The following NBEA variants were observed in gnomAD, a reference collection of about 807,000 sequenced individuals.
NBEA encodes neurobeachin.
NBEA carries 44 observed loss-of-function variants against 343.4 expected under a neutral mutation model. The ratio of observed to expected loss-of-function variants is 0.13; its 90% CI spans 0.10 to 0.16. The LOEUF (loss-of-function observed/expected upper bound fraction) is 0.16, where lower values mean the gene tolerates loss of function less well. Among genes scored for constraint, NBEA ranks in the 10% least tolerant of loss-of-function variants. NBEA has a pLI of 1.00. For missense variants in NBEA, 2,555 were observed against 3,631.3 expected (o/e 0.70, Z 7.62); for synonymous variants, 1,175 against 1,238.7 (o/e 0.95, Z 1.08).
At chr13:35,325,372 A>G (rs2152843660) in intron 36 of NBEA, among the ~76,000 whole-genome samples, 1 of 152,168 alleles carries the variant, frequency 6.6e-6, no homozygotes, top group Admixed American at 6.6e-5. Context: ...ATGTTTTGAT[A>G]CAGGGATACA....
intron 34 of NBEA, among the ~76,000 whole-genome samples, chr13:35,285,496 C>A (rs2035361666): frequency 6.6e-6 from 1 of 152,062 alleles, no homozygotes; most frequent in African/African-American, 2.4e-5. Context: ...TGAAACTGAT[C>A]ACTTTTCCTT....
chr13:35,490,895 C>T lies in NBEA; in HGVS notation c.6585+18359C>T, dbSNP rs553191709. ...TAAGATTTTCATCTATGCCATCTGG[C>T]CCCAGGCTCCAGAGTGTGCTTTCTT... On this transcript the variant is annotated intron_variant, in intron 41 of 58. Transcript: ENST00000379939. 2.0e-5 allele frequency among the ~76,000 whole-genome samples: 3 copies of T among 152,008 alleles called. No homozygotes were observed. The East Asian group carries it at 5.8e-4, about 30-fold the overall frequency.
chr13:34,975,567 A>C (rs181577754), intron 1 of NBEA, among the ~76,000 whole-genome samples: 1 of 152,288 alleles, frequency 6.6e-6, no homozygotes, highest in East Asian at 1.9e-4. Flanking sequence ...CGTAACAAAA[A>C]CCAAGACAAA....
In NBEA at chr13:34,989,777, A is replaced by C. The variant is rs189322283; in HGVS notation, c.294+46663A>C. Among the ~76,000 whole-genome samples the C allele has an allele frequency of 3.9e-3, 590 of 150,898 alleles. 28 individuals carry two copies. The highest frequency in any genetic ancestry group is 2.7e-3 in the Non-Finnish European group (181 of 67,388). ...CATTAACTCAAAAGTCGAAGTCCAA[A>C]GTTTCATCTGGGACAAGGCACGTCT... On this transcript the variant is annotated intron_variant, in intron 1 of 58. Transcript: ENST00000379939.
intron 1 of NBEA, among the ~76,000 whole-genome samples, chr13:35,024,701 C>T (rs2061959272): frequency 6.6e-6 from 1 of 152,070 alleles, no homozygotes; most frequent in African/African-American, 2.4e-5. Flanking sequence ...AATAAAATAA[C>T]ATAAAATAAA....
chr13:35,152,160 A>T (rs1217406266), intron 18 of NBEA, among the ~76,000 whole-genome samples: 2 of 152,232 alleles, frequency 1.3e-5, no homozygotes, highest in African/African-American at 4.8e-5. Context: ...TTTGTTCCTT[A>T]TAGTAATAAC....
intron 38 of NBEA, among the ~76,000 whole-genome samples, chr13:35,360,988 G>GAGAC (rs1488583513): frequency 3.3e-5 from 5 of 151,966 alleles, no homozygotes; most frequent in Non-Finnish European, 7.4e-5. Flanking sequence ...TGTCAAGTTA[G>GAGAC]AGACTCAAGA....
chr13:35,412,834 A>T (rs1266332577), intron 38 of NBEA, among the ~76,000 whole-genome samples: 1 of 152,160 alleles, frequency 6.6e-6, no homozygotes, highest in Non-Finnish European at 1.5e-5. Flanking sequence ...AGACTGCCTG[A>T]GGACACATTC....
intron 41 of NBEA, among the ~76,000 whole-genome samples, chr13:35,491,418 T>C (rs928448008): frequency 6.6e-6 from 1 of 151,924 alleles, no homozygotes; most frequent in Admixed American, 6.6e-5. Context: ...ATCTCACATA[T>C]ATAAGATGCA....
At position 35,159,673 on chromosome 13, in the gene NBEA, A is replaced by G; in HGVS notation, c.3502A>G (p.Ile1168Val). The G allele has an allele frequency of 3.1e-6, 5 of 1,612,070 alleles. No individual in the cohort carries two copies. In the South Asian group the frequency reaches 4.4e-5, roughly 14 times the overall value. Residue 1168 changes from isoleucine (I) to valine (V), a missense_variant, in exon 22 of 59, where the codon ATT (isoleucine) becomes GTT (valine). By Grantham distance (29) the Ile-to-Val change is conservative. This residue lies in a region of NBEA where 367 missense variants were observed against 377.5 expected (regional missense o/e 0.97). Transcript: ENST00000379939. ...TCCTGAACTTTCTAGCAATCACATT[A>G]TTCCAAATATTCAGGACACACAAGT... ...LLPELSSNHI[I>V]PNIQDTQVHL...
chr13:35,626,216 ATATTT>A (rs1465291219), intron 48 of NBEA, among the ~76,000 whole-genome samples: 1 of 152,242 alleles, frequency 6.6e-6, no homozygotes, highest in Non-Finnish European at 1.5e-5. Context: ...AGAATGAGTA[ATATTT>A]TATAAGGGCA....
At chr13:35,020,448 A>AT in intron 1 of NBEA, among the ~76,000 whole-genome samples, 1 of 152,012 alleles carries the variant, frequency 6.6e-6, no homozygotes, top group Non-Finnish European at 1.5e-5. Context: ...AGAAGGCTAT[A>AT]TTTTCTGCTG....
At chr13:34,987,486 C>T (rs545978522) in intron 1 of NBEA, among the ~76,000 whole-genome samples, 1 of 150,800 alleles carries the variant, frequency 6.6e-6, no homozygotes, top group Admixed American at 6.6e-5. Flanking sequence ...GGTTGCTCTT[C>T]TGGAGGAGTA....
rs1337264749 is a variant in NBEA, at chr13:35,177,009, A to G, written c.4568A>G (p.Asn1523Ser). The change falls in exon 28 of 59, where the codon AAT becomes AGT. Residue 1523 changes from asparagine (N) to serine (S), a missense_variant. Around this residue, in one of 21 missense-constraint regions of NBEA, gnomAD observed 168 missense variants for 193.0 expected, o/e 0.87. Coordinates refer to ENST00000379939, the MANE Select transcript of NBEA (RefSeq NM_001385012.1). The stretch of plus-strand genomic sequence containing the variant: ...TTATTTTCAAAGACTCCATTGGAAA[A>G]TGTTCCAGGTAACCTTTCTCCTATT... ...ATAASKTPLE[N>S]VPGNLSPIKD... The G allele has an allele frequency of 5.7e-6, 9 of 1,592,620 alleles. No homozygotes were observed. The highest frequency in any genetic ancestry group is 1.3e-5 in the African/African-American group (1 of 74,560).
chr13:35,669,946 A>G (rs1230822700), intron 58 of NBEA, among the ~76,000 whole-genome samples: 1 of 152,144 alleles, frequency 6.6e-6, no homozygotes, highest in Non-Finnish European at 1.5e-5. Flanking sequence ...GGTGGATGGA[A>G]GAGCATATTC....
intron 1 of NBEA, among the ~76,000 whole-genome samples, chr13:34,943,872 C>T (rs942311442): frequency 6.6e-6 from 1 of 152,024 alleles, no homozygotes; most frequent in African/African-American, 2.4e-5. Context: ...TAAACGCAGC[C>T]CTAGGTTTTG....
intron 3 of NBEA, 112 bp downstream of exon 3, chr13:35,045,159 T>G: frequency 1.6e-6 from 2 of 1,229,934 alleles, no homozygotes; most frequent in Non-Finnish European, 2.2e-6. Flanking sequence ...AATTGCTTTC[T>G]TCTTAAATGA....
At chr13:35,463,351 G>A (rs2047007207) in intron 40 of NBEA, among the ~76,000 whole-genome samples, 1 of 152,150 alleles carries the variant, frequency 6.6e-6, no homozygotes, top group East Asian at 1.9e-4. Context: ...GGCCAGGTGC[G>A]GTGGCTCATG....
chr13:35,407,079 C>G (rs2043309024), intron 38 of NBEA, among the ~76,000 whole-genome samples: 1 of 151,476 alleles, frequency 6.6e-6, no homozygotes, highest in Non-Finnish European at 1.5e-5. Flanking sequence ...CCTGCCTCAG[C>G]CTCCCAGGTG....
Sources: gnomAD v4.1 joint callset for allele counts (sites outside exome capture counted in the v4.1 genomes callset) on GRCh38, gnomAD v4.1.1 for gene constraint, gnomAD v4.1.1 regional missense constraint, MANE v1.5 for transcripts, NCBI Gene and HGNC (gene_info 2026-07-23, HGNC 2026-07-21) for gene names.